Variants in EIF2A observed in about 807,000 individuals in gnomAD.
EIF2A encodes the protein eukaryotic translation initiation factor 2A.
EIF2A carries 62 observed loss-of-function variants against 75.2 expected under a neutral mutation model. That is an observed-to-expected ratio of 0.82 (90% CI 0.67 to 1.02). The LOEUF (loss-of-function observed/expected upper bound fraction) is 1.02, where lower values mean the gene tolerates loss of function less well. Ranked by LOEUF, EIF2A falls within the 50% of genes least tolerant of loss-of-function variation. EIF2A has a pLI of 0.00. For synonymous variants in EIF2A, 207 were observed against 239.0 expected (o/e 0.87, Z 1.23); for missense variants, 611 against 677.7 (o/e 0.90, Z 1.09).
chr3:150,555,990 G>A (rs868663979), intron 2 of EIF2A, among the ~76,000 whole-genome samples: 52 of 152,158 alleles, frequency 3.4e-4, no homozygotes, highest in African/African-American at 1.1e-3. Context: ...TGGAGACAGG[G>A]TAAGAAGTTT....
At chr3:150,550,445 CTAA>C (rs1323923895) in intron 1 of EIF2A, among the ~76,000 whole-genome samples, 1 of 151,868 alleles carries the variant, frequency 6.6e-6, no homozygotes, top group Non-Finnish European at 1.5e-5. Context: ...GTGTTTTTTT[CTAA>C]TAAACTTTGT....
At chr3:150,560,262 A>C (rs992538042) in intron 3 of EIF2A, among the ~76,000 whole-genome samples, 1 of 152,216 alleles carries the variant, frequency 6.6e-6, no homozygotes, top group African/African-American at 2.4e-5. Context: ...ATTTCATTAA[A>C]GTGCTGTGAC....
intron 4 of EIF2A, among the ~76,000 whole-genome samples, chr3:150,563,292 T>A (rs1461389174): frequency 1.3e-5 from 2 of 152,200 alleles, no homozygotes; most frequent in African/African-American, 4.8e-5. Context: ...CTCATGAATC[T>A]AATTTTTCCA....
intron 11 of EIF2A, among the ~76,000 whole-genome samples, chr3:150,579,494 GA>G (rs1450351969): frequency 2.0e-5 from 3 of 152,106 alleles, no homozygotes; most frequent in Non-Finnish European, 4.4e-5. Flanking sequence ...TGGATCACCT[GA>G]GGTCTGGAGT....
chr3:150,579,971 CCT>C (rs1725082779), intron 11 of EIF2A, among the ~76,000 whole-genome samples: 1 of 134,936 alleles, frequency 7.4e-6, no homozygotes, highest in Non-Finnish European at 1.7e-5. Flanking sequence ...AATTTTTTCC[CCT>C]CTTACCAAAA....
chr3:150,549,976 G>C (rs1723237165), intron 1 of EIF2A, among the ~76,000 whole-genome samples: 1 of 152,146 alleles, frequency 6.6e-6, no homozygotes. Flanking sequence ...CCTGCCATGG[G>C]ATCCTTGTTT....
Position 150,546,798 on chromosome 3 carries a change from A to C in EIF2A, c.-5A>C. 6.2e-7 allele frequency: 1 copy of C among 1,612,522 alleles called. No individual in the cohort carries two copies. The highest frequency in any genetic ancestry group is 1.7e-5 in the Admixed American group (1 of 60,030). On this transcript the variant is annotated 5_prime_UTR_variant, in exon 1 of 14. Coordinates refer to ENST00000460851, the MANE Select transcript of EIF2A (RefSeq NM_032025.5). The stretch of plus-strand genomic sequence containing the variant: ...CACCCGAGCGGTTTCTCTTTCCGGG[A>C]CAACATGGCGCCGTCCACGCCGCTC...
At chr3:150,563,449 A>G in intron 4 of EIF2A, 66 bp from the exon 5 acceptor site, 1 of 1,311,972 alleles carries the variant, frequency 7.6e-7, no homozygotes, top group Non-Finnish European at 1.1e-6. Context: ...AACTTAATAA[A>G]TAAGAAAAAT....
At chr3:150,558,717 A>C (rs1723700046) in intron 3 of EIF2A, 1 of 218,924 alleles carries the variant, frequency 4.6e-6, no homozygotes, top group South Asian at 1.3e-4. Flanking sequence ...AAAGAAGTTG[A>C]GTTGTTTTAA....
intron 1 of EIF2A, among the ~76,000 whole-genome samples, chr3:150,550,031 A>G (rs62269099): frequency 0.061 from 9,216 of 152,304 alleles, 351 homozygotes; most frequent in Non-Finnish European, 0.091. Context: ...GCCTAGAGCA[A>G]TAAATAGTAT....
At chr3:150,578,174 G>C (rs1298540270) in intron 11 of EIF2A, among the ~76,000 whole-genome samples, 2 of 151,798 alleles carry the variant, frequency 1.3e-5, no homozygotes, top group Middle Eastern at 3.4e-3. Flanking sequence ...TATAAGCAAA[G>C]TTTCTTCCAC....
chr3:150,567,732 A>G lies in EIF2A; in HGVS notation c.515A>G (p.Asp172Gly), dbSNP rs1559880717. 1.9e-6 allele frequency: 3 copies of G among 1,556,406 alleles called. No homozygotes were observed. Among genetic ancestry groups the G allele is most frequent in the Non-Finnish European group, 2.6e-6 (3 of 1,149,220 alleles). ...AAATTGCATTTGCAAAAAATTAATGATTTTGTATTATCACCTGGACCCCAA... is the reference window on the plus strand; with the variant it reads ...AAATTGCATTTGCAAAAAATTAATGGTTTTGTATTATCACCTGGACCCCAA... The part of the protein sequence containing the change: ...ANKLHLQKIN[D>G]FVLSPGPQPY... The change falls in exon 7 of 14, where the codon GAT (aspartate) becomes GGT (glycine). Residue 172 changes from aspartate (D) to glycine (G), a missense_variant. Asp to Gly is a moderately conservative substitution (Grantham distance 94). Transcript: ENST00000460851.
intron 3 of EIF2A, among the ~76,000 whole-genome samples, chr3:150,562,087 G>A (rs974406958): frequency 1.3e-5 from 2 of 151,394 alleles, no homozygotes; most frequent in Non-Finnish European, 2.9e-5. Flanking sequence ...GGTATTTCCC[G>A]CATATTTTCT....
chr3:150,563,139 G>A (rs1723981764), intron 4 of EIF2A, among the ~76,000 whole-genome samples: 1 of 152,014 alleles, frequency 6.6e-6, no homozygotes, highest in South Asian at 2.1e-4. Flanking sequence ...ATATAACTGT[G>A]TTTCATGTAA....
chr3:150,555,241 A>C (rs964486072), intron 2 of EIF2A, among the ~76,000 whole-genome samples: 1 of 149,398 alleles, frequency 6.7e-6, no homozygotes, highest in Non-Finnish European at 1.5e-5. Context: ...TATGCACATT[A>C]TTTATTTATT....
chr3:150,569,807 C>G (rs1724402036), intron 9 of EIF2A, among the ~76,000 whole-genome samples: 1 of 150,822 alleles, frequency 6.6e-6, no homozygotes, highest in East Asian at 1.9e-4. Context: ...GGGTGAGACT[C>G]TGTCACAAAA....
intron 1 of EIF2A, among the ~76,000 whole-genome samples, chr3:150,547,478 TGGA>T (rs1303885484): frequency 6.6e-6 from 1 of 152,188 alleles, no homozygotes; most frequent in Admixed American, 6.5e-5. Flanking sequence ...ACTGTAGTGT[TGGA>T]GGAGATAATA....
chr3:150,551,354 G>A (rs1287291637), intron 1 of EIF2A, among the ~76,000 whole-genome samples: 3 of 151,970 alleles, frequency 2.0e-5, no homozygotes, highest in East Asian at 1.9e-4. Context: ...TAGTTTGTTC[G>A]TTTTTTTCCC....
chr3:150,547,411 G>A (rs997637882), intron 1 of EIF2A, among the ~76,000 whole-genome samples: 2 of 152,182 alleles, frequency 1.3e-5, no homozygotes, highest in African/African-American at 2.4e-5. Flanking sequence ...TTTTGAAATG[G>A]TTATGAGCAT....
Sources: allele counts gnomAD v4.1 joint callset (sites outside exome capture counted in the v4.1 genomes callset), GRCh38; gene constraint gnomAD v4.1.1; transcripts MANE v1.5; gene names NCBI Gene and HGNC (gene_info 2026-07-23, HGNC 2026-07-21).